The following DTNA variants were observed in gnomAD, a reference collection of about 807,000 sequenced individuals.
DTNA encodes dystrophin-related protein 3.
A neutral mutation model predicts 100.7 loss-of-function variants in DTNA; 43 were observed. That is an observed-to-expected ratio of 0.43 (90% confidence interval 0.33 to 0.55). DTNA has a LOEUF of 0.55. Ranked by LOEUF, DTNA falls within the 20% of genes least tolerant of loss-of-function variation. The probability of loss-of-function intolerance (pLI) is 0.04; values close to 1 mark genes in which losing one functional copy is unlikely to be tolerated. For synonymous variants in DTNA, 349 were observed against 347.9 expected (o/e 1.00, Z -0.04); for missense variants, 798 against 953.9 (o/e 0.84, Z 2.15).
chr18:34,789,433 C>T (rs866532079), intron 3 of DTNA, among the ~76,000 whole-genome samples: 6 of 152,222 alleles, frequency 3.9e-5, no homozygotes, highest in South Asian at 2.1e-4. Flanking sequence ...AGTTATGGTG[C>T]TCCTGCAACC....
At chr18:34,768,311 C>A (rs8097825) in intron 3 of DTNA, among the ~76,000 whole-genome samples, 124,262 of 151,094 alleles carry the variant, frequency 0.82, 51,446 homozygotes, top group East Asian at 0.91. Context: ...AACGCCCCCC[C>A]AAAAAAAGCA....
At chr18:34,836,490 A>T (rs563173343) in intron 11 of DTNA, among the ~76,000 whole-genome samples, 125 of 152,156 alleles carry the variant, frequency 8.2e-4, no homozygotes, top group African/African-American at 2.9e-3. Flanking sequence ...TCTACTAAAA[A>T]TTCAAAAATT....
At chr18:34,803,044 G>T (rs2095265854) in intron 4 of DTNA, among the ~76,000 whole-genome samples, 1 of 152,104 alleles carries the variant, frequency 6.6e-6, no homozygotes, top group Non-Finnish European at 1.5e-5. Context: ...AGTCATCTCT[G>T]CTCACTCCTC....
Position 34,838,180 on chromosome 18 carries a change from C to T in DTNA, c.1253+9C>T, listed in dbSNP as rs767371074. ...TTTCTGAAGGGCAAAGGGTAAGTTA[C>T]AGCCAGAGTGTACTGGAACCCTGCA... On this transcript the variant is annotated intron_variant, in intron 12 of 22. Transcript: ENST00000444659. 1.4e-5 allele frequency: 23 copies of T among 1,613,528 alleles called. No individual in the cohort carries two copies. The highest frequency in any genetic ancestry group is 1.9e-5 in the Non-Finnish European group (22 of 1,179,690).
intron 5 of DTNA, among the ~76,000 whole-genome samples, chr18:34,806,970 C>G (rs971836176): frequency 6.6e-6 from 1 of 152,122 alleles, no homozygotes; most frequent in African/African-American, 2.4e-5. Flanking sequence ...ACTCAGTTAA[C>G]CATATGGCTA....
intron 1 of DTNA, among the ~76,000 whole-genome samples, chr18:34,718,989 C>CTT (rs369355651): frequency 3.3e-5 from 5 of 150,880 alleles, no homozygotes; most frequent in Admixed American, 2.0e-4. Flanking sequence ...GCAATTAACC[C>CTT]TTTTTTTTTG....
intron 1 of DTNA, among the ~76,000 whole-genome samples, chr18:34,692,615 C>T (rs1228246000): frequency 6.6e-6 from 1 of 152,170 alleles, no homozygotes; most frequent in African/African-American, 2.4e-5. Flanking sequence ...CAGATCTTTA[C>T]TCATTGGCAA....
chr18:34,544,597 A>G (rs1382389159), intron 1 of DTNA, among the ~76,000 whole-genome samples: 1 of 152,136 alleles, frequency 6.6e-6, no homozygotes, highest in African/African-American at 2.4e-5. Flanking sequence ...ATTAGAGTAC[A>G]TATATTTATA....
At position 34,888,125 on chromosome 18, in the gene DTNA, G is replaced by C. The variant is rs747955738; in HGVS notation, c.*391G>C. On this transcript the variant is annotated 3_prime_UTR_variant, in exon 23 of 23. Transcript: ENST00000444659. ...CATGCTGCTGTTATACACAATGGCA[G>C]TATTAACAAGCATTTTAAACCTTTG... 27 of 985,846 alleles carry C rather than the reference G, an allele frequency of 2.7e-5. No homozygotes were observed. The highest frequency in any genetic ancestry group is 3.1e-5 in the Non-Finnish European group (26 of 829,942). The allele number at this position is 985,846 out of a possible 1,614,324, so 61.1% of individuals were successfully genotyped here.
chr18:34,631,372 A>G (rs192348449), intron 1 of DTNA, among the ~76,000 whole-genome samples: 5 of 152,318 alleles, frequency 3.3e-5, no homozygotes, highest in Admixed American at 2.6e-4. Context: ...TATTTTTATT[A>G]TTCCAATTTT....
intron 1 of DTNA, among the ~76,000 whole-genome samples, chr18:34,643,006 C>T (rs1484744717): frequency 9.9e-5 from 15 of 152,200 alleles, no homozygotes; most frequent in Admixed American, 1.3e-4. Context: ...AACTAGCATG[C>T]CATAACTTAG....
At chr18:34,629,792 C>G (rs1257817444) in intron 1 of DTNA, among the ~76,000 whole-genome samples, 1 of 152,136 alleles carries the variant, frequency 6.6e-6, no homozygotes, top group East Asian at 1.9e-4. Flanking sequence ...GAACCACCTT[C>G]CTCCTAACTT....
At chr18:34,680,216 T>C (rs181393573) in intron 1 of DTNA, among the ~76,000 whole-genome samples, 1 of 152,292 alleles carries the variant, frequency 6.6e-6, no homozygotes, top group Admixed American at 6.5e-5. Flanking sequence ...CTTTGTTTTG[T>C]CTGGCCATGA....
chr18:34,637,527 C>T (rs1272454022), intron 1 of DTNA, among the ~76,000 whole-genome samples: 1 of 152,170 alleles, frequency 6.6e-6, no homozygotes, highest in Non-Finnish European at 1.5e-5. Context: ...TTCCGTTTGG[C>T]TCTCAGATAC....
At chr18:34,545,146 AG>A (rs1273028342) in intron 1 of DTNA, among the ~76,000 whole-genome samples, 2 of 152,028 alleles carry the variant, frequency 1.3e-5, no homozygotes, top group African/African-American at 4.8e-5. Context: ...GCTAATGGGA[AG>A]GGGACATAGG....
chr18:34,878,719 T>C (rs146314025), intron 19 of DTNA, among the ~76,000 whole-genome samples: 454 of 152,334 alleles, frequency 3.0e-3, no homozygotes, highest in African/African-American at 9.7e-3. Flanking sequence ...TAAGGAGACT[T>C]TTTATCCTTT....
chr18:34,638,221 C>A (rs1241109188), intron 1 of DTNA, among the ~76,000 whole-genome samples: 26 of 152,096 alleles, frequency 1.7e-4, no homozygotes, highest in Admixed American at 1.7e-3. Context: ...ATCCAAATAC[C>A]CTAAGTGGAA....
At chr18:34,740,931 G>A (rs576100560) in intron 1 of DTNA, among the ~76,000 whole-genome samples, 1 of 152,290 alleles carries the variant, frequency 6.6e-6, no homozygotes, top group African/African-American at 2.4e-5. Flanking sequence ...TTTGTGGAGT[G>A]GAGGTGATTT....
At chr18:34,698,260 C>T (rs896877302) in intron 1 of DTNA, among the ~76,000 whole-genome samples, 3 of 152,218 alleles carry the variant, frequency 2.0e-5, no homozygotes, top group Non-Finnish European at 4.4e-5. Flanking sequence ...GAGTTGCTGT[C>T]ACAAATTACC....
Sources: allele counts gnomAD v4.1 joint callset (sites outside exome capture counted in the v4.1 genomes callset), GRCh38; gene constraint gnomAD v4.1.1; transcripts MANE v1.5; gene names NCBI Gene and HGNC (gene_info 2026-07-23, HGNC 2026-07-21).